The following CSF1R variants were observed in gnomAD, a reference collection of about 807,000 sequenced individuals.
CSF1R encodes the protein colony stimulating factor 1 receptor.
In CSF1R, 40 loss-of-function variants were observed where a neutral mutation model predicts 110.0. The observed-to-expected ratio is 0.36, with a 90% CI of 0.28 to 0.47. CSF1R has a LOEUF of 0.47. Ranked by LOEUF, CSF1R falls within the 20% of genes least tolerant of loss-of-function variation. The pLI is 0.99. For missense variants in CSF1R, 1,052 were observed against 1,253.0 expected (o/e 0.84, Z 2.42); for synonymous variants, 523 against 503.4 (o/e 1.04, Z -0.52).
At position 150,068,324 on chromosome 5, in the gene CSF1R, T is replaced by C. The variant is rs142543645; in HGVS notation, c.1517A>G (p.His506Arg). Residue 506 changes from histidine to arginine, a missense_variant, in exon 10 of 21, where the codon CAC becomes CGC. His to Arg is a conservative substitution (Grantham distance 29). This residue lies in a region of CSF1R where 693 missense variants were observed against 735.4 expected (regional missense o/e 0.94). Coordinates refer to ENST00000675795, the MANE Select transcript of CSF1R (RefSeq NM_001288705.3). ...GAGGAACTCATCCGGGGGATGCGTG[T>C]GGGCTCCTGGAAGGCATGAAGCAAA... is the stretch of plus-strand genomic sequence containing the variant. ...WAFIPISAGA[H>R]THPPDEFLFT... is the part of the protein sequence containing the mutation. The C allele has an allele frequency of 1.9e-6, 3 of 1,612,014 alleles. No individual in the cohort carries two copies. Among genetic ancestry groups the C allele is most frequent in the Non-Finnish European group, 2.5e-6 (3 of 1,179,356 alleles).
chr5:150,055,191 G>T, intron 19 of CSF1R, 46 bp downstream of exon 19: 3 of 1,558,630 alleles, frequency 1.9e-6, no homozygotes, highest in South Asian at 1.1e-5. Context: ...CCTTTCCAGC[G>T]AAAGCCTGGG....
At chr5:150,093,674 T>A (rs1265383262) in intron 1 of CSF1R, among the ~76,000 whole-genome samples, 1 of 152,222 alleles carries the variant, frequency 6.6e-6, no homozygotes, top group Non-Finnish European at 1.5e-5. Flanking sequence ...TAAGAAATCA[T>A]AAATGTTTAA....
At chr5:150,087,752 G>A (rs1035631191), upstream of CSF1R, among the ~76,000 whole-genome samples, 3 of 144,460 alleles carry the variant, frequency 2.1e-5, no homozygotes, top group African/African-American at 7.7e-5. Flanking sequence ...TTTTTTTTCT[G>A]AGACAGGGTT....
rs1056293494 is a variant in CSF1R, at chr5:150,065,985, A to C, written c.1626+2230T>G. 8.5e-5 allele frequency among the ~76,000 whole-genome samples: 13 copies of C among 152,200 alleles called. No homozygotes were observed. In the South Asian group the frequency reaches 2.7e-3, roughly 31 times the overall value. On this transcript the variant is annotated intron_variant, in intron 10 of 20. Transcript: ENST00000675795. ...GCACTGCGAGGCAGTTTTCAGTTCC[A>C]TGTAAGGAAGAACTTTGCAAACATT...
intron 10 of CSF1R, among the ~76,000 whole-genome samples, chr5:150,064,808 T>A (rs1757687771): frequency 6.6e-6 from 1 of 152,036 alleles, no homozygotes; most frequent in Non-Finnish European, 1.5e-5. Flanking sequence ...GGCTCCTAAT[T>A]TCTGGAAGCG....
chr5:150,068,130 G>T, intron 10 of CSF1R, 85 bp downstream of exon 10: 1 of 1,015,988 alleles, frequency 9.8e-7, no homozygotes, highest in Non-Finnish European at 1.5e-6. Context: ...CTGAGGAGGA[G>T]GAAGGGTGAA....
chr5:150,106,090 C>A (rs567203339), intron 1 of CSF1R, among the ~76,000 whole-genome samples: 51 of 152,316 alleles, frequency 3.3e-4, no homozygotes, highest in African/African-American at 1.2e-3. Context: ...ATCCTGACCT[C>A]CCCCAGCAGT....
At chr5:150,087,721 TTTC>T (rs551712130), upstream of CSF1R, among the ~76,000 whole-genome samples, 121 of 152,250 alleles carry the variant, frequency 7.9e-4, 1 homozygote, top group African/African-American at 2.6e-3. Context: ...AACATGGTCA[TTTC>T]TTCTTCTTTT....
chr5:150,078,052 G>A, intron 4 of CSF1R, 60 bp downstream of exon 4: 2 of 1,603,164 alleles, frequency 1.2e-6, no homozygotes, highest in Non-Finnish European at 1.7e-6. Flanking sequence ...ACTCCACCAT[G>A]GGAAACCTGG....
At chr5:150,094,933 T>C in intron 1 of CSF1R, 1 of 1,195,502 alleles carries the variant, frequency 8.4e-7, no homozygotes, top group Non-Finnish European at 1.2e-6. Flanking sequence ...CTGTGGCCCT[T>C]CAAATTGTCT....
intron 14 of CSF1R, among the ~76,000 whole-genome samples, chr5:150,058,473 A>G (rs1480747313): frequency 1.3e-5 from 2 of 152,190 alleles, no homozygotes; most frequent in Non-Finnish European, 2.9e-5. Flanking sequence ...TGTAGAAACT[A>G]TGCTTCCGTT....
chr5:150,078,685 C>A (rs534886724), intron 3 of CSF1R, among the ~76,000 whole-genome samples: 2 of 152,190 alleles, frequency 1.3e-5, no homozygotes, highest in African/African-American at 2.4e-5. Flanking sequence ...TGTTTCTGAC[C>A]GCCCTGATAA....
intron 10 of CSF1R, among the ~76,000 whole-genome samples, chr5:150,065,629 G>A (rs537683262): frequency 6.6e-6 from 1 of 152,366 alleles, no homozygotes; most frequent in East Asian, 1.9e-4. Context: ...AGGAGGATGG[G>A]AGGGCAGGCA....
intron 1 of CSF1R, among the ~76,000 whole-genome samples, chr5:150,095,553 A>G (rs1759194487): frequency 6.6e-6 from 1 of 152,202 alleles, no homozygotes; most frequent in South Asian, 2.1e-4. Flanking sequence ...ATGAAAAATT[A>G]GAAAATATTT....
At chr5:150,054,273 A>G (rs1757079768) in intron 20 of CSF1R, 49 bp from the exon 21 acceptor site, 3 of 1,613,832 alleles carry the variant, frequency 1.9e-6, no homozygotes, top group Non-Finnish European at 2.5e-6. Context: ...CATCAGGCCC[A>G]GCCCAACGTG....
intron 1 of CSF1R, among the ~76,000 whole-genome samples, chr5:150,083,307 C>T (rs947399511): frequency 1.3e-5 from 2 of 150,066 alleles, no homozygotes; most frequent in Non-Finnish European, 3.0e-5. Context: ...GCCCCTCCCT[C>T]ATCACTTCCA....
chr5:150,110,422 T>C (rs1759682698), intron 1 of CSF1R, among the ~76,000 whole-genome samples: 1 of 152,250 alleles, frequency 6.6e-6, no homozygotes, highest in Non-Finnish European at 1.5e-5. Context: ...TCGAGTGCTA[T>C]TTCTTTGTGG....
Position 150,054,426 on chromosome 5 carries a change from T to C in CSF1R, c.2659A>G (p.Ser887Gly). ...AAGGCCCAGCAGGCCTGCATGATGC[T>C]GTATCTGGGAGATAGGACAGAGGAT... ...QPAFAPKNIY[S>G]IMQACWALEP... is the part of the protein sequence containing the mutation. The change falls in exon 20 of 21, where the codon AGC (serine) becomes GGC (glycine). Residue 887 changes from serine (S) to glycine (G), a missense_variant. This residue lies in a region of CSF1R where 74 missense variants were observed against 187.4 expected (regional missense o/e 0.39). Transcript: ENST00000675795. The C allele has an allele frequency of 6.2e-7, 1 of 1,611,492 alleles. No homozygotes were observed. Among genetic ancestry groups the C allele is most frequent in the Non-Finnish European group, 8.5e-7 (1 of 1,178,640 alleles).
intron 3 of CSF1R, 113 bp from the exon 4 acceptor site, chr5:150,078,361 C>G: frequency 7.3e-7 from 1 of 1,365,562 alleles, no homozygotes; most frequent in Admixed American, 2.4e-5. Flanking sequence ...CATCACTGCC[C>G]CATCCCAAAT....
Sources: allele counts gnomAD v4.1 joint callset (sites outside exome capture counted in the v4.1 genomes callset), GRCh38; gene constraint gnomAD v4.1.1; regional missense constraint gnomAD v4.1.1; transcripts MANE v1.5; gene names NCBI Gene and HGNC (gene_info 2026-07-23, HGNC 2026-07-21).